FAF1: variants seen among roughly 807,000 people sequenced by gnomAD.
The protein encoded by FAF1 is Fas associated factor 1, also known as FAS-associated factor 1.
A neutral mutation model predicts 92.5 loss-of-function variants in FAF1; 25 were observed. The ratio of observed to expected loss-of-function variants is 0.27; its 90% confidence interval spans 0.20 to 0.38. The LOEUF is 0.38. Among genes scored for constraint, FAF1 ranks in the 10% least tolerant of loss-of-function variants. The pLI is 1.00. For synonymous variants in FAF1, 234 were observed against 273.2 expected (o/e 0.86, Z 1.42); for missense variants, 636 against 793.3 (o/e 0.80, Z 2.38).
intron 8 of FAF1, among the ~76,000 whole-genome samples, chr1:50,625,300 T>C (rs1473710489): frequency 6.6e-6 from 1 of 152,202 alleles, no homozygotes; most frequent in African/African-American, 2.4e-5. Context: ...CCATTCCTCA[T>C]TTCTTCTGGG....
intron 7 of FAF1, among the ~76,000 whole-genome samples, chr1:50,685,657 T>C (rs1385494309): frequency 6.6e-6 from 1 of 152,226 alleles, no homozygotes; most frequent in Non-Finnish European, 1.5e-5. Flanking sequence ...GCCATTTTCA[T>C]CTTGTTCAGC....
At chr1:50,746,924 C>T (rs1659654557) in intron 4 of FAF1, among the ~76,000 whole-genome samples, 1 of 152,144 alleles carries the variant, frequency 6.6e-6, no homozygotes, top group Admixed American at 6.5e-5. Context: ...AGCCATGGCT[C>T]AAAGGAACCT....
chr1:50,603,549 C>T (rs1332542540), intron 8 of FAF1, among the ~76,000 whole-genome samples: 2 of 152,160 alleles, frequency 1.3e-5, no homozygotes, highest in African/African-American at 4.8e-5. Context: ...AGTCATGAGG[C>T]TAAAATTTCA....
intron 15 of FAF1, among the ~76,000 whole-genome samples, chr1:50,532,173 A>G (rs1196398782): frequency 6.6e-6 from 1 of 152,198 alleles, no homozygotes; most frequent in Non-Finnish European, 1.5e-5. Flanking sequence ...AAGACACTCT[A>G]AAAACAAAGA....
intron 7 of FAF1, among the ~76,000 whole-genome samples, chr1:50,663,414 A>T (rs940828471): frequency 2.1e-5 from 3 of 144,296 alleles, no homozygotes; most frequent in African/African-American, 5.5e-5. Flanking sequence ...TTTTAATTTC[A>T]ATTTTTTTTT....
intron 18 of FAF1, among the ~76,000 whole-genome samples, chr1:50,458,523 G>C (rs1452359185): frequency 6.6e-6 from 1 of 152,182 alleles, no homozygotes; most frequent in Non-Finnish European, 1.5e-5. Context: ...AAATAAGTTA[G>C]AAAGCGGTAA....
intron 8 of FAF1, among the ~76,000 whole-genome samples, chr1:50,640,587 A>G (rs565431392): frequency 2.8e-4 from 43 of 152,054 alleles, no homozygotes; most frequent in African/African-American, 1.0e-3. Flanking sequence ...TTAAAATTAT[A>G]TTTGGGCTTT....
At chr1:50,571,067 G>A (rs774289976) in intron 12 of FAF1, among the ~76,000 whole-genome samples, 10 of 152,144 alleles carry the variant, frequency 6.6e-5, no homozygotes, top group Non-Finnish European at 1.2e-4. Flanking sequence ...ATGTATTAGC[G>A]ATTGAGACTA....
At chr1:50,636,245 C>T (rs1654001378) in intron 8 of FAF1, among the ~76,000 whole-genome samples, 2 of 152,072 alleles carry the variant, frequency 1.3e-5, no homozygotes, top group Admixed American at 1.3e-4. Context: ...ATCTTGTAAC[C>T]ACTAGTATAA....
At chr1:50,497,245 C>T (rs772534405) in intron 15 of FAF1, among the ~76,000 whole-genome samples, 1 of 152,012 alleles carries the variant, frequency 6.6e-6, no homozygotes, top group Non-Finnish European at 1.5e-5. Flanking sequence ...GACAATTGGG[C>T]AACATCTCTA....
At chr1:50,700,526 A>G (rs1657423220) in intron 7 of FAF1, among the ~76,000 whole-genome samples, 1 of 152,150 alleles carries the variant, frequency 6.6e-6, no homozygotes, top group African/African-American at 2.4e-5. Context: ...TGCATATTGT[A>G]AAACAGGATT....
intron 8 of FAF1, among the ~76,000 whole-genome samples, chr1:50,632,318 T>C (rs539436955): frequency 5.4e-4 from 82 of 152,222 alleles, no homozygotes; most frequent in South Asian, 1.2e-3. Flanking sequence ...ACTGAAAGGT[T>C]AGAAACGAGT....
intron 12 of FAF1, among the ~76,000 whole-genome samples, chr1:50,576,832 C>CTTT (rs34718011): frequency 7.1e-6 from 1 of 140,668 alleles, no homozygotes. Flanking sequence ...GTTCGTTTTT[C>CTTT]TTTTTTTTTT....
chr1:50,827,497 G>C (rs944267605), intron 2 of FAF1, among the ~76,000 whole-genome samples: 13 of 152,024 alleles, frequency 8.6e-5, no homozygotes, highest in Non-Finnish European at 1.8e-4. Context: ...ACTGCGGAAG[G>C]CCGCAGGGAC....
At chr1:50,848,964 T>C (rs1458133066) in intron 2 of FAF1, among the ~76,000 whole-genome samples, 1 of 152,090 alleles carries the variant, frequency 6.6e-6, no homozygotes, top group Non-Finnish European at 1.5e-5. Context: ...GTTTAGTCAA[T>C]AATATTGTAC....
intron 8 of FAF1, among the ~76,000 whole-genome samples, chr1:50,618,085 T>G (rs1271145315): frequency 1.3e-5 from 2 of 152,202 alleles, no homozygotes; most frequent in Non-Finnish European, 2.9e-5. Flanking sequence ...TCAATCTTGC[T>G]TATTTTTTCG....
intron 7 of FAF1, among the ~76,000 whole-genome samples, chr1:50,689,356 G>A (rs912722375): frequency 6.6e-6 from 1 of 152,096 alleles, no homozygotes; most frequent in Non-Finnish European, 1.5e-5. Flanking sequence ...AGGCCGAGGC[G>A]GGTGGATCAC....
chr1:50,490,446 A>C, intron 17 of FAF1, 142 bp downstream of exon 17: 2 of 405,246 alleles, frequency 4.9e-6, no homozygotes, highest in Admixed American at 3.6e-5. Context: ...GAAGGAAGGA[A>C]GGAAGGAAGG....
At chr1:50,826,466 C>T (rs1299751521) in intron 2 of FAF1, among the ~76,000 whole-genome samples, 1 of 151,902 alleles carries the variant, frequency 6.6e-6, no homozygotes, top group African/African-American at 2.4e-5. Flanking sequence ...AGGAGAATCA[C>T]TTGCACCTGG....
Sources: allele counts gnomAD v4.1 joint callset (sites outside exome capture counted in the v4.1 genomes callset), GRCh38; gene constraint gnomAD v4.1.1; transcripts MANE v1.5; gene names NCBI Gene and HGNC (gene_info 2026-07-23, HGNC 2026-07-21).